The following KCNK1 variants were observed in gnomAD, a reference collection of about 807,000 sequenced individuals.
The protein encoded by KCNK1 is potassium channel subfamily K member 1.
Under a neutral mutation model 22.2 loss-of-function variants are expected in KCNK1, and 10 were observed. The observed-to-expected ratio is 0.45, with a 90% CI of 0.28 to 0.76. The LOEUF (loss-of-function observed/expected upper bound fraction) is 0.76, where lower values mean the gene tolerates loss of function less well. KCNK1 is among the 30% of genes least tolerant of loss of function. The probability of loss-of-function intolerance (pLI) is 0.14; values close to 1 mark genes in which losing one functional copy is unlikely to be tolerated. For missense variants in KCNK1, 378 were observed against 421.0 expected (o/e 0.90, Z 0.89); for synonymous variants, 200 against 186.4 (o/e 1.07, Z -0.60).
intron 2 of KCNK1, among the ~76,000 whole-genome samples, chr1:233,668,440 G>T (rs1170245280): frequency 1.3e-5 from 2 of 151,854 alleles, no homozygotes; most frequent in Non-Finnish European, 2.9e-5. Context: ...ACTTTTTTTT[G>T]CCAAATGGTT....
chr1:233,669,429 A>C (rs1395599969), intron 2 of KCNK1, among the ~76,000 whole-genome samples: 2 of 152,218 alleles, frequency 1.3e-5, no homozygotes, highest in Non-Finnish European at 2.9e-5. Flanking sequence ...TTTGAGCATC[A>C]AGAACCTGAG....
rs1378162181 is a variant in KCNK1, at chr1:233,671,524, C to A, written c.1005C>A (p.Asn335Lys). ...CTGCCTGCGTGGATGGCCCTGCAAA[C>A]CATTGAGCGTAGGATTTGTTGCATT... ...QSSACVDGPA[N>K]H Residue 335 changes from asparagine (N) to lysine (K), a missense_variant, in exon 3 of 3, where the codon AAC becomes AAA. Transcript: ENST00000366621. 1.9e-6 allele frequency: 3 copies of A among 1,613,804 alleles called. No individual in the cohort carries two copies. Among genetic ancestry groups the A allele is most frequent in the South Asian group, 2.2e-5 (2 of 91,068 alleles).
chr1:233,619,870 A>G (rs1000812078), intron 1 of KCNK1, among the ~76,000 whole-genome samples: 2 of 137,828 alleles, frequency 1.5e-5, no homozygotes, highest in African/African-American at 5.3e-5. Context: ...AGATCACGCC[A>G]CTGCACACCA....
intron 1 of KCNK1, among the ~76,000 whole-genome samples, chr1:233,631,673 A>G (rs766321277): frequency 1.5e-4 from 23 of 152,136 alleles, no homozygotes; most frequent in Admixed American, 1.4e-3. Flanking sequence ...AAGTGTTTCC[A>G]TTCTCCACTC....
At chr1:233,615,216 T>C (rs1213710854) in intron 1 of KCNK1, among the ~76,000 whole-genome samples, 1 of 152,232 alleles carries the variant, frequency 6.6e-6, no homozygotes, top group Non-Finnish European at 1.5e-5. Flanking sequence ...AAAGGAACCA[T>C]AGGATTGCCT....
intron 1 of KCNK1, chr1:233,631,472 T>C (rs985994379): frequency 2.8e-6 from 1 of 360,894 alleles, no homozygotes. Context: ...CCTGGTATCT[T>C]GAAGAATGTG....
chr1:233,631,419 G>C (rs1008601576), intron 1 of KCNK1: 3 of 415,460 alleles, frequency 7.2e-6, no homozygotes, highest in African/African-American at 6.4e-5. Context: ...TAAGCTCAAC[G>C]GTTATCAGCT....
chr1:233,619,271 C>T (rs1657536798), intron 1 of KCNK1, among the ~76,000 whole-genome samples: 1 of 152,060 alleles, frequency 6.6e-6, no homozygotes, highest in African/African-American at 2.4e-5. Flanking sequence ...TGTCTCCCAC[C>T]TCAGCCTCTC....
Position 233,625,877 on chromosome 1 carries a change from A to G in KCNK1, c.355+11351A>G, listed in dbSNP as rs1408154984. Among the ~76,000 whole-genome samples the G allele has an allele frequency of 3.9e-5, 6 of 152,244 alleles. No homozygotes were observed. In the South Asian group the frequency reaches 1.0e-3, roughly 26 times the overall value. On this transcript the variant is annotated intron_variant, in intron 1 of 2. Coordinates refer to ENST00000366621, the MANE Select transcript of KCNK1 (RefSeq NM_002245.4). ...GCAGCTAGAAAGTGACTGTGGCTGG[A>G]GCTGAGTAAGAGGGGAGTGATGAGG...
At chr1:233,642,797 C>T (rs971718840) in intron 1 of KCNK1, among the ~76,000 whole-genome samples, 7 of 151,226 alleles carry the variant, frequency 4.6e-5, no homozygotes, top group Admixed American at 2.6e-4. Context: ...GAGACAGAGT[C>T]TCACTCTGTC....
At chr1:233,667,545 A>T (rs187152167) in intron 2 of KCNK1, among the ~76,000 whole-genome samples, 7 of 151,920 alleles carry the variant, frequency 4.6e-5, no homozygotes, top group Admixed American at 1.3e-4. Flanking sequence ...CCTGGCTAAC[A>T]CGGTGAAACC....
chr1:233,667,901 A>G (rs992931763), intron 2 of KCNK1, among the ~76,000 whole-genome samples: 1 of 152,186 alleles, frequency 6.6e-6, no homozygotes, highest in Admixed American at 6.5e-5. Context: ...AAGTCTTAAA[A>G]GAGCTGCTTA....
chr1:233,632,465 C>T (rs567813144), intron 1 of KCNK1, among the ~76,000 whole-genome samples: 3 of 152,070 alleles, frequency 2.0e-5, no homozygotes, highest in South Asian at 2.1e-4. Context: ...ATAACCTTAC[C>T]GGGACTGGAT....
intron 1 of KCNK1, among the ~76,000 whole-genome samples, chr1:233,644,612 C>T (rs951622225): frequency 6.6e-6 from 1 of 152,088 alleles, no homozygotes; most frequent in Non-Finnish European, 1.5e-5. Flanking sequence ...TGATATTAGT[C>T]TGAGGTCTGA....
At chr1:233,644,150 G>GGCAGAAGA (rs1272599526) in intron 1 of KCNK1, among the ~76,000 whole-genome samples, 1 of 152,132 alleles carries the variant, frequency 6.6e-6, no homozygotes. Flanking sequence ...ATTCTCACAT[G>GGCAGAAGA]GCAGAAGAGC....
intron 1 of KCNK1, among the ~76,000 whole-genome samples, chr1:233,628,915 C>T (rs901973083): frequency 3.9e-5 from 6 of 151,990 alleles, no homozygotes; most frequent in African/African-American, 1.5e-4. Context: ...AGTGTGAAAG[C>T]GTTGAACTGG....
At chr1:233,667,729 CAAAAAAAAA>C (rs71170433) in intron 2 of KCNK1, among the ~76,000 whole-genome samples, 1 of 86,094 alleles carries the variant, frequency 1.2e-5, no homozygotes, top group Non-Finnish European at 2.1e-5. Flanking sequence ...GACTCCGTCT[CAAAAAAAAA>C]AAAAAAAAAA....
chr1:233,641,778 G>T (rs890894474), intron 1 of KCNK1, among the ~76,000 whole-genome samples: 5 of 152,198 alleles, frequency 3.3e-5, no homozygotes, highest in Non-Finnish European at 5.9e-5. Flanking sequence ...TCCCATGAGA[G>T]AAACCTCATG....
chr1:233,655,765 T>C (rs1658280872), intron 1 of KCNK1: 1 of 153,144 alleles, frequency 6.5e-6, no homozygotes, highest in African/African-American at 2.4e-5. Flanking sequence ...CTGAATCTGC[T>C]GGTGCCTTGA....
Sources: gnomAD v4.1 joint callset for allele counts (sites outside exome capture counted in the v4.1 genomes callset) on GRCh38, gnomAD v4.1.1 for gene constraint, MANE v1.5 for transcripts, NCBI Gene and HGNC (gene_info 2026-07-23, HGNC 2026-07-21) for gene names.